Variants in RNLS observed in about 807,000 individuals in gnomAD.
The protein encoded by RNLS is renalase.
Under a neutral mutation model 39.8 loss-of-function variants are expected in RNLS, and 39 were observed. The observed-to-expected ratio is 0.98, with a 90% CI of 0.76 to 1.28. The LOEUF (loss-of-function observed/expected upper bound fraction) is 1.28. RNLS is among the 50% of genes most tolerant of loss of function. The pLI, the probability that RNLS is intolerant of heterozygous loss-of-function variation, is 0.00. For synonymous variants in RNLS, 147 were observed against 150.7 expected (o/e 0.98, Z 0.18); for missense variants, 410 against 413.3 (o/e 0.99, Z 0.07).
At chr10:88,411,099 A>G (rs1032886336) in intron 4 of RNLS, among the ~76,000 whole-genome samples, 3 of 152,048 alleles carry the variant, frequency 2.0e-5, no homozygotes, top group African/African-American at 7.2e-5. Flanking sequence ...GCTATTTCTC[A>G]TCTCAGCCAA....
rs541918255 is a variant in RNLS at position 88,440,826 on chromosome 10, T to C, written c.527-78101A>G. Among the ~76,000 whole-genome samples the C allele has an allele frequency of 2.6e-5, 4 of 152,274 alleles. 1 individual carries two copies. The highest frequency in any genetic ancestry group is 9.6e-5 in the African/African-American group (4 of 41,558). ...AGTATGACCCTGCCTGGCTGAGAAA[T>C]TCAGAACTGTCCCTGGCACTAGTTA... On this transcript the variant is annotated intron_variant, in intron 4 of 6. Transcript: ENST00000331772.
chr10:88,236,535 G>A, the RNLS span, among the ~76,000 whole-genome samples: 1 of 152,212 alleles, frequency 6.6e-6, no homozygotes, highest in Non-Finnish European at 1.5e-5. Context: ...CAAGGTAAAT[G>A]GTTGCTCAAC....
At position 88,361,698 on chromosome 10, in the gene RNLS, C is replaced by T. The variant is rs140051478; in HGVS notation, c.700+854G>A. Among the ~76,000 whole-genome samples, 782 of 152,278 alleles carry T rather than the reference C, an allele frequency of 5.1e-3. 5 individuals are homozygous for T. Among genetic ancestry groups the T allele is most frequent in the African/African-American group, 0.018 (739 of 41,566 alleles). On this transcript the variant is annotated intron_variant, in intron 5 of 6. Transcript: ENST00000331772. ...TCTATCATTATGAAGGTCTGGCGAG[C>T]CAAGAGACATTAGTTGGTGATTTTA... is the stretch of plus-strand genomic sequence containing the variant.
At chr10:88,357,353 T>C (rs1368297731) in intron 5 of RNLS, among the ~76,000 whole-genome samples, 1 of 152,228 alleles carries the variant, frequency 6.6e-6, no homozygotes, top group Non-Finnish European at 1.5e-5. Flanking sequence ...GGGATGGACC[T>C]CAGAGATCTT....
intron 4 of RNLS, among the ~76,000 whole-genome samples, chr10:88,503,254 GC>G (rs1845602712): frequency 6.6e-6 from 1 of 152,130 alleles, no homozygotes; most frequent in East Asian, 1.9e-4. Flanking sequence ...GGTGGCACAT[GC>G]CTGTAATCCC....
the RNLS span, among the ~76,000 whole-genome samples, chr10:88,249,710 G>T: frequency 6.6e-6 from 1 of 152,212 alleles, no homozygotes; most frequent in African/African-American, 2.4e-5. Flanking sequence ...GACAGCCTCA[G>T]AGTGGTCAGT....
At chr10:88,575,617 G>GGAAAGTGGCATTTCCTTGT (rs1482182607) in intron 3 of RNLS, among the ~76,000 whole-genome samples, 1 of 151,864 alleles carries the variant, frequency 6.6e-6, no homozygotes, top group African/African-American at 2.4e-5. Flanking sequence ...AAAGTTTTTG[G>GGAAAGTGGCATTTCCTTGT]GAAAGTGGCA....
chr10:88,315,111 A>C (rs1022675561), intron 5 of RNLS, among the ~76,000 whole-genome samples: 1 of 152,208 alleles, frequency 6.6e-6, no homozygotes, highest in African/African-American at 2.4e-5. Context: ...GAAATTACAC[A>C]AATGTCAGAA....
intron 4 of RNLS, among the ~76,000 whole-genome samples, chr10:88,363,256 T>C (rs1356384375): frequency 6.7e-6 from 1 of 149,942 alleles, no homozygotes; most frequent in African/African-American, 2.5e-5. Flanking sequence ...ATGGGGGCAT[T>C]GGGGAGGGAC....
chr10:88,257,630 G>C, the RNLS span, among the ~76,000 whole-genome samples: 3 of 152,224 alleles, frequency 2.0e-5, no homozygotes. Flanking sequence ...CAGGCTGGGA[G>C]ACCTATAGCT....
intron 4 of RNLS, among the ~76,000 whole-genome samples, chr10:88,370,984 A>G (rs1041416727): frequency 2.6e-5 from 4 of 152,152 alleles, no homozygotes; most frequent in African/African-American, 9.7e-5. Context: ...GACAGACTTC[A>G]GCAGTTATAT....
At chr10:88,329,962 G>C (rs1285556589) in intron 5 of RNLS, among the ~76,000 whole-genome samples, 2 of 150,624 alleles carry the variant, frequency 1.3e-5, no homozygotes, top group South Asian at 2.1e-4. Context: ...TTGTGTGTCT[G>C]GTTATTCCAA....
chr10:88,395,971 G>T (rs1051261956), intron 4 of RNLS, among the ~76,000 whole-genome samples: 2 of 151,994 alleles, frequency 1.3e-5, no homozygotes, highest in Admixed American at 6.6e-5. Flanking sequence ...CATCTACCAA[G>T]AATTCTACAT....
chr10:88,258,730 A>C, the RNLS span, among the ~76,000 whole-genome samples: 1 of 152,224 alleles, frequency 6.6e-6, no homozygotes, highest in Non-Finnish European at 1.5e-5. Flanking sequence ...CCCAGGCCTA[A>C]AAGCTGCCAT....
chr10:88,324,081 A>C (rs967028040), intron 5 of RNLS, among the ~76,000 whole-genome samples: 3 of 152,174 alleles, frequency 2.0e-5, no homozygotes, highest in Non-Finnish European at 4.4e-5. Flanking sequence ...GTCAAAAAAC[A>C]ATAGATGCTG....
intron 4 of RNLS, among the ~76,000 whole-genome samples, chr10:88,401,088 C>T (rs1329839885): frequency 6.6e-6 from 1 of 151,824 alleles, no homozygotes; most frequent in Non-Finnish European, 1.5e-5. Context: ...CCCCTACTCA[C>T]CCCTTTTACC....
At chr10:88,452,191 G>A (rs1346061613) in intron 4 of RNLS, among the ~76,000 whole-genome samples, 1 of 152,202 alleles carries the variant, frequency 6.6e-6, no homozygotes, top group Non-Finnish European at 1.5e-5. Context: ...TTGAGACTCA[G>A]ATTCTTTATC....
chr10:88,523,680 G>C (rs1244361355), intron 4 of RNLS, among the ~76,000 whole-genome samples: 1 of 152,040 alleles, frequency 6.6e-6, no homozygotes, highest in African/African-American at 2.4e-5. Context: ...ACAGTGTTTT[G>C]GTTGGATATT....
At chr10:88,574,351 C>T (rs1342452041) in intron 3 of RNLS, among the ~76,000 whole-genome samples, 2 of 152,144 alleles carry the variant, frequency 1.3e-5, no homozygotes, top group Non-Finnish European at 2.9e-5. Context: ...CCTGGGAAAT[C>T]TCACGTTCCT....
Sources: allele counts gnomAD v4.1 joint callset (sites outside exome capture counted in the v4.1 genomes callset), GRCh38; gene constraint gnomAD v4.1.1; transcripts MANE v1.5; gene names NCBI Gene and HGNC (gene_info 2026-07-23, HGNC 2026-07-21).